The following PARD3 variants were observed in gnomAD, a reference collection of about 807,000 sequenced individuals.
PARD3 encodes the protein partitioning defective 3 homolog.
In PARD3, 75 loss-of-function variants were observed where a neutral mutation model predicts 155.4. That is an observed-to-expected ratio of 0.48 (90% CI 0.40 to 0.58). PARD3 has a LOEUF of 0.58. PARD3 is among the 20% of genes least tolerant of loss of function. The pLI, the probability that PARD3 is intolerant of heterozygous loss-of-function variation, is 0.00. For missense variants in PARD3, 1,642 were observed against 1,721.7 expected (o/e 0.95, Z 0.82); for synonymous variants, 576 against 610.5 (o/e 0.94, Z 0.83).
chr10:34,751,789 A>G (rs1221480100), intron 1 of PARD3, among the ~76,000 whole-genome samples: 1 of 145,338 alleles, frequency 6.9e-6, no homozygotes, highest in Non-Finnish European at 1.5e-5. Context: ...TTTTTTTTTA[A>G]TAGAGATGAG....
Position 34,249,800 on chromosome 10 carries a change from G to A in PARD3, c.3419+19857C>T, listed in dbSNP as rs143349707. On this transcript the variant is annotated intron_variant, in intron 22 of 24. Coordinates refer to ENST00000374788, the MANE Select transcript of PARD3 (RefSeq NM_001184785.2). Reference sequence around the variant, plus strand: ...TGAGGGCCCATCTCTCAACTTCTCCGCATGAGAGCCATACTCCCTAGGTGG... The same window carrying A: ...TGAGGGCCCATCTCTCAACTTCTCCACATGAGAGCCATACTCCCTAGGTGG... Among the ~76,000 whole-genome samples the A allele has an allele frequency of 2.8e-3, 421 of 152,246 alleles. 3 individuals are homozygous for A. The East Asian group carries it at 0.028, about 10-fold the overall frequency.
intron 5 of PARD3, among the ~76,000 whole-genome samples, chr10:34,412,728 C>T (rs1055745091): frequency 1.3e-5 from 2 of 152,048 alleles, no homozygotes; most frequent in Non-Finnish European, 2.9e-5. Flanking sequence ...TCTTCCCTTG[C>T]GATATAATTA....
chr10:34,591,016 C>A (rs2088628098), intron 2 of PARD3, among the ~76,000 whole-genome samples: 1 of 152,130 alleles, frequency 6.6e-6, no homozygotes, highest in Non-Finnish European at 1.5e-5. Context: ...TACAGGTCTG[C>A]AATGGCAGGA....
chr10:34,635,494 T>C (rs944631256), intron 2 of PARD3, among the ~76,000 whole-genome samples: 1 of 151,956 alleles, frequency 6.6e-6, no homozygotes, highest in African/African-American at 2.4e-5. Flanking sequence ...TGGTAAGGGG[T>C]CTCAATGTGA....
chr10:34,681,296 G>T (rs1335920899), intron 2 of PARD3, among the ~76,000 whole-genome samples: 2 of 151,998 alleles, frequency 1.3e-5, no homozygotes, highest in African/African-American at 4.8e-5. Flanking sequence ...TCTGCCACAG[G>T]TTGGAGGGAA....
At chr10:34,679,264 G>C (rs940625378) in intron 2 of PARD3, among the ~76,000 whole-genome samples, 1 of 152,160 alleles carries the variant, frequency 6.6e-6, no homozygotes, top group Non-Finnish European at 1.5e-5. Flanking sequence ...AGGTTCACCA[G>C]GGAAACCAGC....
intron 2 of PARD3, among the ~76,000 whole-genome samples, chr10:34,596,682 A>G (rs2089293626): frequency 6.6e-6 from 1 of 152,164 alleles, no homozygotes; most frequent in South Asian, 2.1e-4. Context: ...GGGGACATAG[A>G]GCCAGACCAT....
intron 2 of PARD3, among the ~76,000 whole-genome samples, chr10:34,686,589 A>G (rs373315155): frequency 2.6e-5 from 4 of 152,084 alleles, no homozygotes; most frequent in South Asian, 4.2e-4. Flanking sequence ...TACAAAAAAA[A>G]AATTAGCCAG....
chr10:34,427,058 G>A (rs548792039), intron 5 of PARD3, among the ~76,000 whole-genome samples: 35 of 152,288 alleles, frequency 2.3e-4, no homozygotes, highest in Middle Eastern at 3.4e-3. Flanking sequence ...AGCTGAGGAT[G>A]TATGTCGCCT....
At chr10:34,161,078 C>A (rs1214845037) in intron 22 of PARD3, among the ~76,000 whole-genome samples, 2 of 151,804 alleles carry the variant, frequency 1.3e-5, no homozygotes, top group African/African-American at 4.8e-5. Context: ...CTCATCTCTA[C>A]ATAAAAAGTT....
At chr10:34,629,569 C>T (rs1489362547) in intron 2 of PARD3, among the ~76,000 whole-genome samples, 8 of 152,168 alleles carry the variant, frequency 5.3e-5, no homozygotes, top group Admixed American at 2.6e-4. Flanking sequence ...ATCTGCTAGA[C>T]GAAAACCTAC....
chr10:34,606,047 T>C (rs2090388638), intron 2 of PARD3, among the ~76,000 whole-genome samples: 1 of 141,164 alleles, frequency 7.1e-6, no homozygotes, highest in Non-Finnish European at 1.5e-5. Context: ...ATATATCTTC[T>C]ATATATATAT....
intron 2 of PARD3, among the ~76,000 whole-genome samples, chr10:34,595,515 A>G (rs1313078160): frequency 6.6e-6 from 1 of 152,146 alleles, no homozygotes; most frequent in Non-Finnish European, 1.5e-5. Flanking sequence ...ATTTCACTAC[A>G]TTTTCTTATC....
chr10:34,374,944 C>T lies in PARD3; in HGVS notation c.1598G>A (p.Ser533Asn), dbSNP rs750448057. ...SQEEVVSLLR[S>N]TKMEGTVSLL... ...GCTCACAGTTCCTTCCATCTTGGTG[C>T]TTCTCAACAGCGAAACAACTTCCTC... The change falls in exon 11 of 25, where the codon AGC becomes AAC. Residue 533 changes from serine to asparagine, a missense_variant. By Grantham distance (46) the Ser-to-Asn change is conservative. Coordinates refer to ENST00000374788, the MANE Select transcript of PARD3 (RefSeq NM_001184785.2). 3.7e-5 allele frequency: 59 copies of T among 1,613,630 alleles called. No individual in the cohort carries two copies. The highest frequency in any genetic ancestry group is 4.7e-5 in the Non-Finnish European group (56 of 1,179,778).
At chr10:34,550,470 C>T (rs1564834715) in intron 2 of PARD3, among the ~76,000 whole-genome samples, 4 of 152,130 alleles carry the variant, frequency 2.6e-5, no homozygotes, top group Non-Finnish European at 5.9e-5. Flanking sequence ...CTAGGCCTCC[C>T]AAAAAGTGCT....
Position 34,336,183 on chromosome 10 carries a change from A to G in PARD3, c.2605+16T>C, listed in dbSNP as rs1339184101. On this transcript the variant is annotated intron_variant, in intron 18 of 24. Coordinates refer to ENST00000374788, the MANE Select transcript of PARD3 (RefSeq NM_001184785.2). ...GCCATCGTTTCTATGGCAACAGTCT[A>G]ACTGTCCATTCTTACCTGCTTTCTG... 3.1e-6 allele frequency: 5 copies of G among 1,603,196 alleles called. No homozygotes were observed. The highest frequency in any genetic ancestry group is 4.3e-6 in the Non-Finnish European group (5 of 1,170,508).
At position 34,269,774 on chromosome 10, in the gene PARD3, T is replaced by A; in HGVS notation, c.3302A>T (p.Tyr1101Phe). ...AGCGTTGAGAGCCATGGAACCTTCA[T>A]AAGAAGAAACTCCCCCATACATTAA... The part of the protein sequence containing the change: ...DELMYGGVSS[Y>F]EGSMALNARP... Residue 1101 changes from tyrosine to phenylalanine, a missense_variant, in exon 22 of 25, where the codon TAT becomes TTT. Tyr to Phe is a conservative substitution (Grantham distance 22, BLOSUM62 3). This residue lies in a region of PARD3 where 1,529 missense variants were observed against 1,587.3 expected (regional missense o/e 0.96). Transcript: ENST00000374788. The A allele has an allele frequency of 1.9e-6, 3 of 1,613,982 alleles. No homozygotes were observed. Among genetic ancestry groups the A allele is most frequent in the Non-Finnish European group, 2.5e-6 (3 of 1,179,980 alleles).
chr10:34,408,831 A>C (rs1844757830), intron 5 of PARD3, among the ~76,000 whole-genome samples: 1 of 150,968 alleles, frequency 6.6e-6, no homozygotes, highest in Admixed American at 6.6e-5. Flanking sequence ...AGACAATATT[A>C]GATAAGATAT....
At chr10:34,290,367 C>T (rs1956619126) in intron 20 of PARD3, among the ~76,000 whole-genome samples, 1 of 152,170 alleles carries the variant, frequency 6.6e-6, no homozygotes, top group African/African-American at 2.4e-5. Context: ...CAAAACACCC[C>T]ACTGAAATGT....
Sources: allele counts gnomAD v4.1 joint callset (sites outside exome capture counted in the v4.1 genomes callset), GRCh38; gene constraint gnomAD v4.1.1; regional missense constraint gnomAD v4.1.1; transcripts MANE v1.5; gene names NCBI Gene and HGNC (gene_info 2026-07-23, HGNC 2026-07-21).